AGBL4: variants seen among roughly 807,000 people sequenced by gnomAD.
AGBL4 encodes cytosolic carboxypeptidase 6.
A neutral mutation model predicts 66.4 loss-of-function variants in AGBL4; 58 were observed. That is an observed-to-expected ratio of 0.87 (90% CI 0.71 to 1.09). AGBL4 has a LOEUF of 1.09. Ranked by LOEUF, AGBL4 falls within the 50% of genes least tolerant of loss-of-function variation. AGBL4 has a pLI of 0.00. For missense variants in AGBL4, 579 were observed against 631.0 expected (o/e 0.92, Z 0.88); for synonymous variants, 234 against 222.9 (o/e 1.05, Z -0.44).
At chr1:48,670,714 C>T (rs1035033488) in intron 6 of AGBL4, among the ~76,000 whole-genome samples, 2 of 152,178 alleles carry the variant, frequency 1.3e-5, no homozygotes, top group Non-Finnish European at 2.9e-5. Context: ...TAGGGGCAGG[C>T]TCCTTCCTCA....
At chr1:49,742,097 G>C (rs891073444) in intron 2 of AGBL4, among the ~76,000 whole-genome samples, 7 of 152,212 alleles carry the variant, frequency 4.6e-5, no homozygotes, top group Non-Finnish European at 8.8e-5. Context: ...ATTAGGAAGA[G>C]AGGAAGTCAA....
At chr1:49,358,526 C>T (rs2148531685) in intron 3 of AGBL4, among the ~76,000 whole-genome samples, 1 of 152,294 alleles carries the variant, frequency 6.6e-6, no homozygotes, top group East Asian at 1.9e-4. Flanking sequence ...AGCAGCCAGA[C>T]TTTATTTGTC....
chr1:49,240,480 C>T (rs755948667), intron 4 of AGBL4, among the ~76,000 whole-genome samples: 1 of 151,866 alleles, frequency 6.6e-6, no homozygotes, highest in Non-Finnish European at 1.5e-5. Flanking sequence ...ACCTAGGTAG[C>T]AGTTGGCAGT....
chr1:49,027,821 G>A (rs891853510), intron 5 of AGBL4, among the ~76,000 whole-genome samples: 7 of 152,104 alleles, frequency 4.6e-5, no homozygotes, highest in South Asian at 4.1e-4. Context: ...AAATGCCCTC[G>A]GCCCAGCTAA....
At chr1:48,640,739 G>A (rs1645741096) in intron 8 of AGBL4, among the ~76,000 whole-genome samples, 1 of 152,180 alleles carries the variant, frequency 6.6e-6, no homozygotes, top group African/African-American at 2.4e-5. Flanking sequence ...ATTTATAAAA[G>A]AGACACTAAG....
At chr1:48,859,126 C>T (rs1355520249) in intron 6 of AGBL4, among the ~76,000 whole-genome samples, 1 of 152,020 alleles carries the variant, frequency 6.6e-6, no homozygotes, top group African/African-American at 2.4e-5. Context: ...CCTCCCTTTT[C>T]CCTCTGTCAC....
chr1:49,264,070 C>T (rs1653495098), intron 3 of AGBL4, among the ~76,000 whole-genome samples: 1 of 151,610 alleles, frequency 6.6e-6, no homozygotes, highest in South Asian at 2.1e-4. Flanking sequence ...ATATATAATC[C>T]AAGTATAATA....
intron 2 of AGBL4, among the ~76,000 whole-genome samples, chr1:49,773,744 A>C (rs1644124296): frequency 6.6e-6 from 1 of 152,174 alleles, no homozygotes; most frequent in South Asian, 2.1e-4. Flanking sequence ...CAGATCAGGC[A>C]GCTGTGTGTA....
At chr1:48,842,518 G>A (rs1205577507) in intron 6 of AGBL4, among the ~76,000 whole-genome samples, 1 of 152,118 alleles carries the variant, frequency 6.6e-6, no homozygotes, top group Non-Finnish European at 1.5e-5. Flanking sequence ...TCACAAATCT[G>A]ATTTGTCAAA....
intron 3 of AGBL4, among the ~76,000 whole-genome samples, chr1:49,353,117 G>A (rs964957165): frequency 6.6e-6 from 1 of 152,184 alleles, no homozygotes; most frequent in Admixed American, 6.5e-5. Flanking sequence ...AAGTCATAGA[G>A]GTATGTCAAA....
intron 4 of AGBL4, among the ~76,000 whole-genome samples, chr1:49,163,837 G>A (rs1646583997): frequency 6.6e-6 from 1 of 152,054 alleles, no homozygotes; most frequent in Non-Finnish European, 1.5e-5. Context: ...AAGATAGAAA[G>A]GATCACAATA....
At chr1:49,077,566 GCTT>G (rs1644734321) in intron 4 of AGBL4, among the ~76,000 whole-genome samples, 1 of 152,034 alleles carries the variant, frequency 6.6e-6, no homozygotes, top group African/African-American at 2.4e-5. Context: ...ATGGATGATG[GCTT>G]CTTACTAACT....
chr1:48,923,195 T>C (rs1654242382), intron 5 of AGBL4, among the ~76,000 whole-genome samples: 1 of 152,142 alleles, frequency 6.6e-6, no homozygotes, highest in African/African-American at 2.4e-5. Context: ...GATAAATAAA[T>C]TGAGCCTCCA....
At chr1:49,960,193 A>T (rs1264514141) in intron 1 of AGBL4, among the ~76,000 whole-genome samples, 2 of 152,082 alleles carry the variant, frequency 1.3e-5, no homozygotes, top group Non-Finnish European at 2.9e-5. Flanking sequence ...TAAAAATTTT[A>T]AAAAGGCAGT....
intron 3 of AGBL4, among the ~76,000 whole-genome samples, chr1:49,294,889 A>C (rs991739837): frequency 3.4e-4 from 52 of 152,134 alleles, no homozygotes; most frequent in African/African-American, 1.2e-3. Context: ...TTTATTGTAA[A>C]ATACTTGTTT....
chr1:49,219,008 T>A (rs1484474055), intron 4 of AGBL4, among the ~76,000 whole-genome samples: 3 of 152,120 alleles, frequency 2.0e-5, no homozygotes, highest in Non-Finnish European at 1.5e-5. Context: ...CTCTTTTACT[T>A]TATAAATTAC....
At chr1:49,192,989 T>C (rs1025709209) in intron 4 of AGBL4, among the ~76,000 whole-genome samples, 5 of 152,208 alleles carry the variant, frequency 3.3e-5, no homozygotes, top group Admixed American at 1.3e-4. Flanking sequence ...ATTTCCTCCA[T>C]GTTTTCTAGT....
intron 1 of AGBL4, among the ~76,000 whole-genome samples, chr1:49,918,703 A>G (rs1237118383): frequency 6.6e-6 from 1 of 152,236 alleles, no homozygotes; most frequent in East Asian, 1.9e-4. Context: ...TCCAAACAAT[A>G]GAAAAAGAGG....
At chr1:49,152,503 T>A (rs1646355512) in intron 4 of AGBL4, among the ~76,000 whole-genome samples, 1 of 152,174 alleles carries the variant, frequency 6.6e-6, no homozygotes, top group Non-Finnish European at 1.5e-5. Context: ...AGAGGAAAGA[T>A]GACCCTGTGA....
Sources: gnomAD v4.1 joint callset for allele counts (sites outside exome capture counted in the v4.1 genomes callset) on GRCh38, gnomAD v4.1.1 for gene constraint, MANE v1.5 for transcripts, NCBI Gene and HGNC (gene_info 2026-07-23, HGNC 2026-07-21) for gene names.